The following NDE1 variants were observed in gnomAD, a reference collection of about 807,000 sequenced individuals.
The protein encoded by NDE1 is nuclear distribution protein nudE homolog 1.
Under a neutral mutation model 43.4 loss-of-function variants are expected in NDE1, and 28 were observed. That is an observed-to-expected ratio of 0.65 (90% CI 0.48 to 0.89). The LOEUF (loss-of-function observed/expected upper bound fraction) is 0.89, where lower values mean the gene tolerates loss of function less well. Ranked by LOEUF, NDE1 falls within the 40% of genes least tolerant of loss-of-function variation. The probability of loss-of-function intolerance (pLI) is 0.00; values close to 1 mark genes in which losing one functional copy is unlikely to be tolerated. For missense variants in NDE1, 441 were observed against 434.1 expected, an observed-to-expected ratio of 1.02 and a Z score of -0.14; for synonymous variants, 184 against 172.0, an observed-to-expected ratio of 1.07 and a Z score of -0.55.
chr16:15,697,145 C>T (rs563917996), intron 8 of NDE1: 42 of 829,182 alleles, frequency 5.1e-5, no homozygotes, highest in Middle Eastern at 6.1e-4. Context: ...CCAGCTCAAA[C>T]GATCCTCCCA....
At chr16:15,667,889 T>C (rs1443570520) in intron 3 of NDE1, among the ~76,000 whole-genome samples, 1 of 151,728 alleles carries the variant, frequency 6.6e-6, no homozygotes, top group African/African-American at 2.4e-5. Flanking sequence ...GGTGGAGCTT[T>C]GAGAAGCAAG....
At chr16:15,706,950 A>G (rs890404283) in intron 8 of NDE1, among the ~76,000 whole-genome samples, 2 of 152,168 alleles carry the variant, frequency 1.3e-5, no homozygotes, top group African/African-American at 4.8e-5. Flanking sequence ...ACTGGTTTCA[A>G]ATCCTAGACC....
rs1285765373 is a variant in NDE1, at chr16:15,691,005, A to G, written c.524-139A>G. On this transcript the variant is annotated intron_variant, in intron 5 of 8. Coordinates refer to ENST00000396354, the MANE Select transcript of NDE1 (RefSeq NM_017668.3). ...GTATTTTCAATAGAGATGAGGTTTC[A>G]CCATGTTGGTCAGGCTGGTCTCGAA... 8.5e-6 allele frequency: 8 copies of G among 937,996 alleles called. No homozygotes were observed. The East Asian group carries it at 1.3e-4, about 15-fold the overall frequency. 58.1% of individuals were successfully genotyped at this position (937,996 alleles called of 1,614,324 possible).
intron 2 of NDE1, 38 bp from the exon 3 acceptor site, chr16:15,667,248 A>G: frequency 6.2e-7 from 1 of 1,612,740 alleles, no homozygotes; most frequent in East Asian, 2.2e-5. Flanking sequence ...TCTGTCTTCA[A>G]AAATATTACT....
rs776509335 is a variant in NDE1 at position 15,663,809 on chromosome 16, G to GGGTGGT, written c.-43-927_-43-926insGGTGGT. Reference sequence around the variant, plus strand: ...GGGTTGGGTGCGGTGGTTCACGCCTGTAATACCAGCACTTTGGGAGGCTGA... The same window carrying GGGTGGT: ...GGGTTGGGTGCGGTGGTTCACGCCTGGGTGGTTAATACCAGCACTTTGGGAGGCTGA... On this transcript the variant is annotated intron_variant, in intron 1 of 8. Transcript: ENST00000396354. Among the ~76,000 whole-genome samples, 975 of 152,080 alleles carry GGGTGGT rather than the reference G, an allele frequency of 6.4e-3. 22 individuals carry two copies. The East Asian group carries it at 0.07, about 11-fold the overall frequency.
chr16:15,719,886 C>T (rs1221242024), intron 8 of NDE1, among the ~76,000 whole-genome samples: 2 of 152,184 alleles, frequency 1.3e-5, no homozygotes, highest in African/African-American at 4.8e-5. Context: ...GCTGGGAGCA[C>T]CATTCTGGGT....
intron 1 of NDE1, among the ~76,000 whole-genome samples, chr16:15,663,531 T>C (rs1331003697): frequency 6.6e-6 from 1 of 152,056 alleles, no homozygotes; most frequent in Non-Finnish European, 1.5e-5. Flanking sequence ...CGTGAGCCAC[T>C]GCACCTGGCT....
chr16:15,725,848 C>G lies in NDE1; in HGVS notation c.*1597C>G. The G allele has an allele frequency of 2.5e-6, 1 of 396,082 alleles. No homozygotes were observed. 24.5% of individuals were successfully genotyped at this position (396,082 alleles called of 1,614,324 possible). A position where few individuals can be genotyped will look rare whatever the true frequency, so the allele number is the denominator to read the frequency against. ...TGTCATTCAGCAGCTTAAAACCCCT[C>G]AACAGCTTCACATTGCCCAGAGTAA... On this transcript the variant is annotated 3_prime_UTR_variant, in exon 9 of 9. Coordinates refer to ENST00000396354, the MANE Select transcript of NDE1 (RefSeq NM_017668.3).
At chr16:15,648,253 C>T (rs1031674435), upstream of NDE1, among the ~76,000 whole-genome samples, 2 of 151,932 alleles carry the variant, frequency 1.3e-5, no homozygotes, top group Non-Finnish European at 2.9e-5. Flanking sequence ...TTAAAATGTA[C>T]AATACATTGT....
At chr16:15,649,119 T>C (rs574415667), upstream of NDE1, among the ~76,000 whole-genome samples, 1 of 150,958 alleles carries the variant, frequency 6.6e-6, no homozygotes, top group Non-Finnish European at 1.5e-5. Flanking sequence ...TTGCTTGAAC[T>C]CAGAAGGCAG....
At chr16:15,644,661 G>A (rs1193866677) in intron 1 of NDE1, among the ~76,000 whole-genome samples, 1 of 152,122 alleles carries the variant, frequency 6.6e-6, no homozygotes, top group Non-Finnish European at 1.5e-5. Flanking sequence ...CTGTGTATAG[G>A]TAGTATTTTC....
chr16:15,653,706 CAAA>C (rs755713367), intron 1 of NDE1, among the ~76,000 whole-genome samples: 1 of 118,948 alleles, frequency 8.4e-6, no homozygotes, highest in Non-Finnish European at 1.8e-5. Context: ...GTAAAACATG[CAAA>C]AAAAAAAAAA....
intron 8 of NDE1, among the ~76,000 whole-genome samples, chr16:15,699,367 C>T (rs1399744268): frequency 6.6e-6 from 1 of 151,480 alleles, no homozygotes; most frequent in African/African-American, 2.4e-5. Context: ...TCCAGCGATC[C>T]TTCCACCTCA....
intron 8 of NDE1, among the ~76,000 whole-genome samples, chr16:15,705,465 C>A (rs2039396924): frequency 6.6e-6 from 1 of 152,186 alleles, no homozygotes; most frequent in African/African-American, 2.4e-5. Flanking sequence ...ATCAGATCTG[C>A]CTGCTGCCAG....
intron 4 of NDE1, among the ~76,000 whole-genome samples, chr16:15,686,204 G>C (rs566187995): frequency 9.2e-5 from 14 of 151,972 alleles, no homozygotes; most frequent in Admixed American, 2.6e-4. Context: ...CGCCCGCCTC[G>C]GCCTCCCAAA....
At chr16:15,708,908 T>A in intron 8 of NDE1, 1 of 1,444,074 alleles carries the variant, frequency 6.9e-7, no homozygotes, top group Non-Finnish European at 9.6e-7. Flanking sequence ...TTAAGTATAT[T>A]CTTAATTGTT....
chr16:15,665,005 C>A, intron 2 of NDE1, 144 bp downstream of exon 2: 1 of 655,882 alleles, frequency 1.5e-6, no homozygotes. Context: ...AAGCGATCAT[C>A]CTGGCTCAGC....
At chr16:15,717,444 G>A (rs1334334098) in intron 8 of NDE1, 14 of 1,293,368 alleles carry the variant, frequency 1.1e-5, no homozygotes, top group Middle Eastern at 2.5e-4. Flanking sequence ...GCCTCTGCAC[G>A]AGTCCCTTGA....
intron 8 of NDE1, chr16:15,708,934 G>T: frequency 7.7e-7 from 1 of 1,292,690 alleles, no homozygotes; most frequent in Non-Finnish European, 1.1e-6. Context: ...CATTTGCTTC[G>T]ATTTAATAAT....
Sources: gnomAD v4.1 joint callset for allele counts (sites outside exome capture counted in the v4.1 genomes callset) on GRCh38, gnomAD v4.1.1 for gene constraint, MANE v1.5 for transcripts, NCBI Gene and HGNC (gene_info 2026-07-23, HGNC 2026-07-21) for gene names.